The following GPC5 variants were observed in gnomAD, a reference collection of about 807,000 sequenced individuals.
GPC5 encodes glypican 5.
A neutral mutation model predicts 53.9 loss-of-function variants in GPC5; 47 were observed. The observed-to-expected ratio is 0.87, with a 90% CI of 0.69 to 1.11. The LOEUF is 1.11. Ranked by LOEUF, GPC5 falls within the 50% of genes most tolerant of loss-of-function variation. The pLI, the probability that GPC5 is intolerant of heterozygous loss-of-function variation, is 0.00. For missense variants in GPC5, 748 were observed against 713.1 expected (o/e 1.05, Z -0.56); for synonymous variants, 286 against 263.3 (o/e 1.09, Z -0.84).
chr13:91,443,380 G>A (rs1880574003), intron 1 of GPC5, among the ~76,000 whole-genome samples: 3 of 152,170 alleles, frequency 2.0e-5, no homozygotes, highest in Admixed American at 1.3e-4. Flanking sequence ...TCAGATGCAA[G>A]CCAACGAGAG....
rs1279654713 is a variant in GPC5 at position 91,613,684 on chromosome 13, TCAACTTCG to T, written c.326-79502_326-79495del. 2.0e-5 allele frequency among the ~76,000 whole-genome samples: 3 copies of T among 152,038 alleles called. No homozygotes were observed. In the East Asian group the frequency reaches 5.8e-4, roughly 29 times the overall value. Reference sequence around the variant, plus strand: ...AAGAAGTGGTTAGGAAAATGAAAAATCAACTTCGGTATATTGACCTGCAGCACCTTTAA... The same window carrying T: ...AAGAAGTGGTTAGGAAAATGAAAAATGTATATTGACCTGCAGCACCTTTAA... On this transcript the variant is annotated intron_variant, in intron 2 of 7. Transcript: ENST00000377067.
chr13:91,852,956 A>G (rs2038930657), intron 5 of GPC5, among the ~76,000 whole-genome samples: 1 of 152,108 alleles, frequency 6.6e-6, no homozygotes, highest in African/African-American at 2.4e-5. Flanking sequence ...CTTCAGAACA[A>G]CAGCACTGAA....
chr13:91,639,924 G>A (rs2034381616), intron 2 of GPC5, among the ~76,000 whole-genome samples: 1 of 152,030 alleles, frequency 6.6e-6, no homozygotes, highest in African/African-American at 2.4e-5. Flanking sequence ...ACAAGGCAAG[G>A]AATTAAACCT....
chr13:91,872,836 G>A (rs1278587169), intron 5 of GPC5, among the ~76,000 whole-genome samples: 1 of 152,090 alleles, frequency 6.6e-6, no homozygotes, highest in Non-Finnish European at 1.5e-5. Context: ...TCTGGCAAAT[G>A]ATATTTGGTA....
At chr13:91,921,102 AATTTT>A (rs2039709358) in intron 6 of GPC5, among the ~76,000 whole-genome samples, 2 of 151,686 alleles carry the variant, frequency 1.3e-5, no homozygotes, top group Non-Finnish European at 2.9e-5. Context: ...ATGCCTGGCT[AATTTT>A]TGTATTTTTA....
intron 2 of GPC5, among the ~76,000 whole-genome samples, chr13:91,473,912 T>C (rs1220961640): frequency 3.9e-5 from 6 of 152,194 alleles, no homozygotes; most frequent in Admixed American, 3.3e-4. Flanking sequence ...CAAGCTGTTA[T>C]GATTAATTAT....
intron 5 of GPC5, among the ~76,000 whole-genome samples, chr13:91,761,709 G>A (rs887281247): frequency 3.3e-5 from 5 of 152,194 alleles, no homozygotes; most frequent in Non-Finnish European, 7.3e-5. Flanking sequence ...GAGCTTCCGT[G>A]TCCTCTCTGG....
intron 2 of GPC5, among the ~76,000 whole-genome samples, chr13:91,673,885 C>T (rs948220742): frequency 6.6e-6 from 1 of 152,040 alleles, no homozygotes; most frequent in African/African-American, 2.4e-5. Context: ...TGATGAGGCC[C>T]TAGTGTTATC....
At chr13:91,701,968 G>A (rs1401039444) in intron 3 of GPC5, among the ~76,000 whole-genome samples, 1 of 151,970 alleles carries the variant, frequency 6.6e-6, no homozygotes, top group Non-Finnish European at 1.5e-5. Context: ...TTATTCTTTT[G>A]TCTTTTTGGT....
intron 3 of GPC5, among the ~76,000 whole-genome samples, chr13:91,722,649 T>C (rs982100308): frequency 2.0e-5 from 3 of 152,202 alleles, no homozygotes; most frequent in African/African-American, 7.2e-5. Flanking sequence ...TAATTCAAAA[T>C]ATAATATGAG....
intron 4 of GPC5, among the ~76,000 whole-genome samples, chr13:91,736,847 G>T (rs1282768286): frequency 6.6e-6 from 1 of 151,206 alleles, no homozygotes; most frequent in Admixed American, 6.6e-5. Flanking sequence ...CTCCCACTGG[G>T]CAAGTTCAGG....
rs546076036 is a variant in GPC5 at position 91,676,868 on chromosome 13, C to G, written c.326-16319C>G. Among the ~76,000 whole-genome samples, 342 of 152,204 alleles carry G rather than the reference C, an allele frequency of 2.2e-3. 1 individual carries two copies. Among genetic ancestry groups the G allele is most frequent in the African/African-American group, 7.6e-3 (316 of 41,518 alleles). On this transcript the variant is annotated intron_variant, in intron 2 of 7. Transcript: ENST00000377067. The stretch of plus-strand genomic sequence containing the variant: ...ATAAGTGAGCTGGCGCTTAACCTTA[C>G]GAGGATTAGGTAGGGTAGGGACAGG...
intron 7 of GPC5, among the ~76,000 whole-genome samples, chr13:92,502,310 T>C (rs1037445968): frequency 6.6e-6 from 1 of 151,178 alleles, no homozygotes; most frequent in African/African-American, 2.4e-5. Flanking sequence ...TGAATAAAGA[T>C]TGAAAAACAG....
intron 7 of GPC5, among the ~76,000 whole-genome samples, chr13:92,197,489 T>C (rs1263043283): frequency 6.6e-6 from 1 of 152,018 alleles, no homozygotes; most frequent in African/African-American, 2.4e-5. Context: ...GCAAACCACA[T>C]ATATTTTTTC....
At chr13:91,623,011 G>T (rs1026832087) in intron 2 of GPC5, among the ~76,000 whole-genome samples, 1 of 152,020 alleles carries the variant, frequency 6.6e-6, no homozygotes, top group Non-Finnish European at 1.5e-5. Flanking sequence ...TATTATAATG[G>T]ATCAGAGGCC....
At chr13:92,156,249 G>A (rs1169788962) in intron 7 of GPC5, among the ~76,000 whole-genome samples, 1 of 151,992 alleles carries the variant, frequency 6.6e-6, no homozygotes, top group African/African-American at 2.4e-5. Context: ...CCCTCATCCT[G>A]AATGGTAAGA....
At chr13:92,628,118 C>T (rs1386653192) in intron 7 of GPC5, among the ~76,000 whole-genome samples, 2 of 152,000 alleles carry the variant, frequency 1.3e-5, no homozygotes, top group Non-Finnish European at 2.9e-5. Context: ...AAAGGAGATC[C>T]AGCCACAGGA....
intron 7 of GPC5, among the ~76,000 whole-genome samples, chr13:92,655,078 G>C (rs1282656380): frequency 6.6e-6 from 1 of 152,076 alleles, no homozygotes; most frequent in Non-Finnish European, 1.5e-5. Flanking sequence ...TTTTCCCTCA[G>C]AGCCTTCAGA....
chr13:91,516,053 C>A (rs1273298596), intron 2 of GPC5, among the ~76,000 whole-genome samples: 1 of 152,092 alleles, frequency 6.6e-6, no homozygotes, highest in Non-Finnish European at 1.5e-5. Flanking sequence ...CCCCCTTGGT[C>A]CCTCCCACAA....
Sources: gnomAD v4.1 joint callset for allele counts (sites outside exome capture counted in the v4.1 genomes callset) on GRCh38, gnomAD v4.1.1 for gene constraint, MANE v1.5 for transcripts, NCBI Gene and HGNC (gene_info 2026-07-23, HGNC 2026-07-21) for gene names.